Variants in LRRC43 observed in about 807,000 individuals in gnomAD.
LRRC43 encodes leucine rich repeat containing 43.
A neutral mutation model predicts 64.3 loss-of-function variants in LRRC43; 62 were observed. The ratio of observed to expected loss-of-function variants is 0.96; its 90% CI spans 0.79 to 1.19. The LOEUF is 1.19. LRRC43 is among the 50% of genes most tolerant of loss of function. The pLI is 0.00. For missense variants in LRRC43, 868 were observed against 845.0 expected (o/e 1.03, Z -0.34); for synonymous variants, 422 against 382.3 (o/e 1.10, Z -1.21).
intron 1 of LRRC43, chr12:122,173,710 C>A: frequency 2.7e-6 from 2 of 735,780 alleles, no homozygotes; most frequent in Non-Finnish European, 4.6e-6. Flanking sequence ...CCATCTTTGC[C>A]TGTCTAGTTT....
intron 3 of LRRC43, among the ~76,000 whole-genome samples, chr12:122,186,730 C>T (rs1006752972): frequency 3.9e-5 from 6 of 152,084 alleles, no homozygotes; most frequent in Non-Finnish European, 7.4e-5. Flanking sequence ...ACCAGCCTGG[C>T]CAACATGGCG....
intron 4 of LRRC43, 35 bp from the exon 5 acceptor site, chr12:122,190,095 T>C (rs1443399695): frequency 6.3e-7 from 1 of 1,579,830 alleles, no homozygotes; most frequent in South Asian, 1.1e-5. Flanking sequence ...CTCACCTGGC[T>C]TCTTGACCCC....
chr12:122,197,725 T>C (rs1487044648), intron 7 of LRRC43, among the ~76,000 whole-genome samples: 3 of 151,814 alleles, frequency 2.0e-5, no homozygotes, highest in African/African-American at 4.8e-5. Flanking sequence ...GGGAAACTAG[T>C]AAGAAGTTTT....
At chr12:122,174,125 C>G (rs570693365) in intron 1 of LRRC43, 1 of 1,613,986 alleles carries the variant, frequency 6.2e-7, no homozygotes, top group East Asian at 2.2e-5. Flanking sequence ...AGATGATGCC[C>G]AAGACTCCGG....
intron 7 of LRRC43, among the ~76,000 whole-genome samples, chr12:122,194,823 A>T (rs1953758884): frequency 6.6e-6 from 1 of 151,938 alleles, no homozygotes; most frequent in African/African-American, 2.4e-5. Context: ...CATTTCCTTC[A>T]TGTTGTTATG....
chr12:122,187,805 C>T lies in LRRC43; in HGVS notation c.627C>T (p.Gly209=). The T allele has an allele frequency of 6.2e-7, 1 of 1,614,150 alleles. No individual in the cohort carries two copies. The highest frequency in any genetic ancestry group is 8.5e-7 in the Non-Finnish European group (1 of 1,180,026). ...GGTTAGGCCACAACAAACTTCTAGG[C>T]CCCTTGGAAAGTCTCTACGTCACCG... ...HLGLGHNKLL[G]PLESLYVTAN... Residue 209 remains glycine, a synonymous_variant, in exon 4 of 12, where the codon GGC becomes GGT. Coordinates refer to ENST00000339777, the MANE Select transcript of LRRC43 (RefSeq NM_001098519.2).
chr12:122,195,868 A>G (rs1488060576), intron 7 of LRRC43, among the ~76,000 whole-genome samples: 1 of 152,038 alleles, frequency 6.6e-6, no homozygotes, highest in Non-Finnish European at 1.5e-5. Flanking sequence ...TAGCACTTCT[A>G]TTATGTGTTC....
Position 122,203,305 on chromosome 12 carries a change from A to G in LRRC43, c.1844-10A>G, listed in dbSNP as rs754039638. 3 of 1,609,798 alleles carry G rather than the reference A, an allele frequency of 1.9e-6. No individual in the cohort carries two copies. The highest frequency in any genetic ancestry group is 2.7e-5 in the African/African-American group (2 of 74,800). On this transcript the variant is annotated splice_polypyrimidine_tract_variant and intron_variant, in intron 11 of 11. Coordinates refer to ENST00000339777, the MANE Select transcript of LRRC43 (RefSeq NM_001098519.2). ...TCCCGGGGCTCATGCTCGCACTTAAATTTTCTCAGAAAAGCCGAAAGCCGT... is the reference window on the plus strand; with the variant it reads ...TCCCGGGGCTCATGCTCGCACTTAAGTTTTCTCAGAAAAGCCGAAAGCCGT...
chr12:122,170,216 T>C (rs955968536), intron 1 of LRRC43, among the ~76,000 whole-genome samples: 3 of 152,234 alleles, frequency 2.0e-5, no homozygotes, highest in African/African-American at 4.8e-5. Context: ...TTTTCTAATA[T>C]GTGTAAAGGT....
chr12:122,186,656 C>T (rs1299298214), intron 3 of LRRC43, among the ~76,000 whole-genome samples: 2 of 152,192 alleles, frequency 1.3e-5, no homozygotes, highest in African/African-American at 4.8e-5. Flanking sequence ...CGGTGGCTCA[C>T]ACCTGTAATC....
chr12:122,172,852 T>G, intron 1 of LRRC43: 2 of 834,668 alleles, frequency 2.4e-6, no homozygotes, highest in Non-Finnish European at 3.8e-6. Flanking sequence ...TATATTTATC[T>G]GATCAATGTC....
intron 1 of LRRC43, among the ~76,000 whole-genome samples, chr12:122,174,895 C>T (rs546450625): frequency 1.3e-5 from 2 of 149,928 alleles, no homozygotes; most frequent in African/African-American, 2.5e-5. Flanking sequence ...GGCTGGAGTG[C>T]GGTGGCGTGA....
Position 122,186,289 on chromosome 12 carries a change from C to T in LRRC43, c.511C>T (p.Pro171Ser). The T allele has an allele frequency of 6.3e-7, 1 of 1,597,638 alleles. No homozygotes were observed. The highest frequency in any genetic ancestry group is 8.5e-7 in the Non-Finnish European group (1 of 1,171,966). ...IKEVDATNLP[P>S]TLKVLELYGN... The stretch of plus-strand genomic sequence containing the variant: ...GGAGGTGGATGCCACCAATCTGCCC[C>T]CCACACTCAAGGTGAAGGAGCCCCG... The change falls in exon 3 of 12, where the codon CCC (proline) becomes TCC (serine). Residue 171 changes from proline (P) to serine (S), a missense_variant. By Grantham distance (74) the Pro-to-Ser change is moderately conservative. Transcript: ENST00000339777.
chr12:122,173,590 A>C (rs1226552308), intron 1 of LRRC43, among the ~76,000 whole-genome samples: 2 of 152,056 alleles, frequency 1.3e-5, no homozygotes, highest in East Asian at 3.9e-4. Context: ...AGGCTGAGGC[A>C]GGAGAATCGC....
At chr12:122,188,324 G>A (rs963194067) in intron 4 of LRRC43, among the ~76,000 whole-genome samples, 1 of 152,010 alleles carries the variant, frequency 6.6e-6, no homozygotes, top group African/African-American at 2.4e-5. Context: ...AGCCAGGATG[G>A]TCTCCATCTC....
chr12:122,171,190 C>T (rs1431620974), intron 1 of LRRC43, among the ~76,000 whole-genome samples: 1 of 152,128 alleles, frequency 6.6e-6, no homozygotes, highest in Admixed American at 6.5e-5. Context: ...CCTGTGAGGC[C>T]CAACCACTGC....
chr12:122,197,063 A>C (rs1387433475), intron 7 of LRRC43, among the ~76,000 whole-genome samples: 1 of 152,136 alleles, frequency 6.6e-6, no homozygotes, highest in Non-Finnish European at 1.5e-5. Flanking sequence ...TTTATCTCCT[A>C]GTGGGCAAGT....
rs375135121 is a variant in LRRC43, at chr12:122,192,869, A to G, written c.1214A>G (p.Glu405Gly). The change falls in exon 7 of 12, where the codon GAG becomes GGG. Residue 405 changes from glutamate to glycine, a missense_variant. Physicochemically the swap from Glu to Gly is moderately conservative, Grantham distance 98. Transcript: ENST00000339777. ...TEEVEGSLES[E>G]VEESGESELS... ...GAGGTCGAAGGGTCTCTGGAGTCTG[A>G]GGTGGAGGAGTCAGGAGAGTCGGAG... 2.5e-6 allele frequency: 4 copies of G among 1,613,884 alleles called. No homozygotes were observed. The highest frequency in any genetic ancestry group is 3.4e-6 in the Non-Finnish European group (4 of 1,180,030).
intron 2 of LRRC43, among the ~76,000 whole-genome samples, chr12:122,185,476 C>T (rs928095065): frequency 1.3e-5 from 2 of 152,074 alleles, no homozygotes; most frequent in Non-Finnish European, 2.9e-5. Flanking sequence ...CTGTCTCAAT[C>T]AATTAAGCAA....
Sources: gnomAD v4.1 joint callset for allele counts (sites outside exome capture counted in the v4.1 genomes callset) on GRCh38, gnomAD v4.1.1 for gene constraint, MANE v1.5 for transcripts, NCBI Gene and HGNC (gene_info 2026-07-23, HGNC 2026-07-21) for gene names.